RIBC2: variants seen among roughly 807,000 people sequenced by gnomAD.
RIBC2 encodes RIB43A-like with coiled-coils protein 2.
Under a neutral mutation model 44.3 loss-of-function variants are expected in RIBC2, and 40 were observed. The ratio of observed to expected loss-of-function variants is 0.90; its 90% confidence interval spans 0.70 to 1.18. RIBC2 has a LOEUF of 1.18. Among genes scored for constraint, RIBC2 ranks in the 50% most tolerant of loss-of-function variants. The pLI is 0.00. For synonymous variants in RIBC2, 171 were observed against 175.0 expected, an observed-to-expected ratio of 0.98 and a Z score of 0.18; for missense variants, 459 against 485.5, an observed-to-expected ratio of 0.95 and a Z score of 0.51.
At position 45,413,802 on chromosome 22, in the gene RIBC2, G is replaced by A; in HGVS notation, c.-85G>A. 2.7e-6 allele frequency: 4 copies of A among 1,464,312 alleles called. No homozygotes were observed. The highest frequency in any genetic ancestry group is 3.6e-6 in the Non-Finnish European group (4 of 1,101,702). The allele number at this position is 1,464,312 out of a possible 1,614,324, so 90.7% of individuals were successfully genotyped here. ...GTCTTTCCCCTGCCCGACCGAAGGA[G>A]CCGACCTTGCCTGCGCTACAGCTTC... On this transcript the variant is annotated 5_prime_UTR_variant, in exon 1 of 7. Coordinates refer to ENST00000614167, the MANE Select transcript of RIBC2 (RefSeq NM_015653.5).
intron 3 of RIBC2, 104 bp downstream of exon 3, chr22:45,418,050 T>A (rs1422588024): frequency 2.9e-5 from 23 of 805,550 alleles, no homozygotes; most frequent in Non-Finnish European, 3.4e-5. Flanking sequence ...TTTTTTTTTT[T>A]AAGCAACCCT....
chr22:45,418,585 C>G (rs976595581), intron 3 of RIBC2, among the ~76,000 whole-genome samples: 4 of 152,170 alleles, frequency 2.6e-5, no homozygotes, highest in Non-Finnish European at 5.9e-5. Context: ...CCGGAAAGAC[C>G]GGGTAACGAA....
rs903623154 is a variant in RIBC2 at position 45,430,859 on chromosome 22, T to C, written c.904-41T>C. 3.3e-6 allele frequency: 5 copies of C among 1,503,828 alleles called. No individual in the cohort carries two copies. In the African/African-American group the frequency reaches 5.6e-5, roughly 17 times the overall value. The allele number at this position is 1,503,828 out of a possible 1,614,324, so 93.2% of individuals were successfully genotyped here. A position where few individuals can be genotyped will look rare whatever the true frequency, so the allele number is the denominator to read the frequency against. ...AGATAATCCCCTGGGGTTCTTTGGC[T>C]CTGGGGAAAGGTGGTGGTGAGCCGC... On this transcript the variant is annotated intron_variant, in intron 5 of 6. Transcript: ENST00000614167.
chr22:45,414,514 T>A, intron 2 of RIBC2, 111 bp downstream of exon 2: 1 of 685,802 alleles, frequency 1.5e-6, no homozygotes, highest in Non-Finnish European at 2.3e-6. Context: ...TTTATTTTTT[T>A]TATTTAATAG....
intron 1 of RIBC2, 22 bp downstream of exon 1, chr22:45,414,037 C>T: frequency 6.4e-7 from 1 of 1,550,670 alleles, no homozygotes; most frequent in Non-Finnish European, 8.7e-7. Flanking sequence ...GGGGCCGGGA[C>T]GGGGTTAGAG....
At chr22:45,414,070 G>T in intron 1 of RIBC2, 55 bp downstream of exon 1, 2 of 1,543,624 alleles carry the variant, frequency 1.3e-6, no homozygotes, top group Non-Finnish European at 8.8e-7. Context: ...GCGAGGGGCT[G>T]CGTGGAGGGG....
chr22:45,428,481 C>G (rs529315643), intron 5 of RIBC2, among the ~76,000 whole-genome samples: 1 of 152,122 alleles, frequency 6.6e-6, no homozygotes, highest in Admixed American at 6.6e-5. Flanking sequence ...GAGCCGTGTC[C>G]CTGGGCTGCA....
At chr22:45,429,109 A>G (rs887579789) in intron 5 of RIBC2, among the ~76,000 whole-genome samples, 2 of 152,146 alleles carry the variant, frequency 1.3e-5, no homozygotes, top group African/African-American at 2.4e-5. Context: ...GACAGGTTAG[A>G]GCAGTGAGAC....
At position 45,413,936 on chromosome 22, in the gene RIBC2, A is replaced by T; in HGVS notation, c.50A>T (p.Asp17Val). ...AVALPRDLRQ[D>V]ANLAKRRHAE... ...GCGCTGCCCAGGGACTTGCGGCAGG[A>T]CGCCAACCTGGCAAAGAGGAGGCAC... The change falls in exon 1 of 7, where the codon GAC becomes GTC. Residue 17 changes from aspartate to valine, a missense_variant. By Grantham distance (152) the Asp-to-Val change is radical. Transcript: ENST00000614167. 1 of 1,551,730 alleles carries T rather than the reference A, an allele frequency of 6.4e-7. No individual in the cohort carries two copies. The highest frequency in any genetic ancestry group is 8.7e-7 in the Non-Finnish European group (1 of 1,146,986).
At chr22:45,429,525 C>T (rs913482205) in intron 5 of RIBC2, among the ~76,000 whole-genome samples, 2 of 152,018 alleles carry the variant, frequency 1.3e-5, no homozygotes, top group African/African-American at 2.4e-5. Context: ...GTGGCGGTGG[C>T]GTGGACCAGG....
intron 5 of RIBC2, among the ~76,000 whole-genome samples, chr22:45,430,378 T>G (rs1232245886): frequency 6.6e-6 from 1 of 152,186 alleles, no homozygotes; most frequent in Non-Finnish European, 1.5e-5. Context: ...AGGAATGAGC[T>G]GAAACATAGC....
chr22:45,422,311 G>A lies in RIBC2; in HGVS notation c.578G>A (p.Arg193Lys). The A allele has an allele frequency of 1.2e-6, 2 of 1,614,176 alleles. No individual in the cohort carries two copies. Among genetic ancestry groups the A allele is most frequent in the South Asian group, 1.1e-5 (1 of 91,088 alleles). The change falls in exon 4 of 7, where the codon AGG (arginine) becomes AAG (lysine). Residue 193 changes from arginine (R) to lysine (K), a missense_variant. Coordinates refer to ENST00000614167, the MANE Select transcript of RIBC2 (RefSeq NM_015653.5). ...TCAGAGGCCCTCTACACAGAGACAA[G>A]GCTGCAGTTTGACGAGACAGCCAAG... ...KCAEALYTET[R>K]LQFDETAKHL...
chr22:45,417,497 A>T, intron 2 of RIBC2, 105 bp from the exon 3 acceptor site: 1 of 870,812 alleles, frequency 1.1e-6, no homozygotes, highest in Non-Finnish European at 1.7e-6. Context: ...CAGGCAACAT[A>T]ATGAGGCCCT....
intron 5 of RIBC2, among the ~76,000 whole-genome samples, chr22:45,429,987 C>T (rs988989804): frequency 2.6e-5 from 4 of 152,130 alleles, no homozygotes; most frequent in African/African-American, 4.8e-5. Flanking sequence ...GCTCTTAGCC[C>T]GGGTGAGTGT....
At chr22:45,416,751 T>C (rs562682822) in intron 2 of RIBC2, among the ~76,000 whole-genome samples, 32 of 150,290 alleles carry the variant, frequency 2.1e-4, no homozygotes, top group Admixed American at 6.0e-4. Flanking sequence ...TGAGCCACCA[T>C]GCCTGGCCGC....
chr22:45,417,976 C>T, intron 3 of RIBC2, 30 bp downstream of exon 3: 1 of 1,340,852 alleles, frequency 7.5e-7, no homozygotes, highest in Non-Finnish European at 1.0e-6. Flanking sequence ...GAGCTGGTCT[C>T]AACGCTCTCT....
Position 45,417,854 on chromosome 22 carries a change from A to G in RIBC2, c.464A>G (p.Glu155Gly), listed in dbSNP as rs1569207431. 1 of 1,614,162 alleles carries G rather than the reference A, an allele frequency of 6.2e-7. No homozygotes were observed. The highest frequency in any genetic ancestry group is 8.5e-7 in the Non-Finnish European group (1 of 1,180,018). ...KFMGEDLNFH[E>G]RKKFQEEQNR... is the part of the protein sequence containing the mutation. The stretch of plus-strand genomic sequence containing the variant: ...ATGGGAGAGGATTTAAACTTCCATG[A>G]GAGGAAGAAATTCCAAGAGGAACAA... Residue 155 changes from glutamate to glycine, a missense_variant, in exon 3 of 7, where the codon GAG becomes GGG. Glu to Gly is a moderately conservative substitution (Grantham distance 98). Transcript: ENST00000614167.
rs372341222 is a variant in RIBC2, at chr22:45,426,011, G to C, written c.739G>C (p.Glu247Gln). The stretch of plus-strand genomic sequence containing the variant: ...GCAAGAACAAGAGGACAACTTGGCC[G>C]AGATCACCAACCTCCTGCGTGGGGA... Reference protein sequence around the residue: ...KKQEQEDNLAEITNLLRGDLL... With the variant: ...KKQEQEDNLAQITNLLRGDLL... Residue 247 changes from glutamate (E) to glutamine (Q), a missense_variant, in exon 5 of 7, where the codon GAG (glutamate) becomes CAG (glutamine). Physicochemically the swap from Glu to Gln is conservative, Grantham distance 29. Coordinates refer to ENST00000614167, the MANE Select transcript of RIBC2 (RefSeq NM_015653.5). 1.9e-6 allele frequency: 3 copies of C among 1,614,062 alleles called. No individual in the cohort carries two copies. Among genetic ancestry groups the C allele is most frequent in the Non-Finnish European group, 2.5e-6 (3 of 1,180,022 alleles).
At chr22:45,414,192 C>T (rs796547410) in intron 1 of RIBC2, 130 bp from the exon 2 acceptor site, 2 of 1,478,722 alleles carry the variant, frequency 1.4e-6, no homozygotes, top group African/African-American at 2.8e-5. Flanking sequence ...AACGGTTCTC[C>T]TCCCCTGAGC....
Sources: gnomAD v4.1 joint callset for allele counts (sites outside exome capture counted in the v4.1 genomes callset) on GRCh38, gnomAD v4.1.1 for gene constraint, MANE v1.5 for transcripts, NCBI Gene and HGNC (gene_info 2026-07-23, HGNC 2026-07-21) for gene names.